Variants in SLIT2 observed in about 807,000 individuals in gnomAD.
The protein encoded by SLIT2 is slit guidance ligand 2.
In SLIT2, 41 loss-of-function variants were observed where a neutral mutation model predicts 185.7. That is an observed-to-expected ratio of 0.22 (90% CI 0.17 to 0.29). SLIT2 has a LOEUF of 0.29. SLIT2 is among the 10% of genes least tolerant of loss of function. SLIT2 has a pLI of 1.00. For missense variants in SLIT2, 1,571 were observed against 1,909.0 expected, an observed-to-expected ratio of 0.82 and a Z score of 3.30; for synonymous variants, 693 against 680.2, an observed-to-expected ratio of 1.02 and a Z score of -0.29.
chr4:20,470,328 A>G (rs1195432559), intron 5 of SLIT2, among the ~76,000 whole-genome samples: 1 of 152,152 alleles, frequency 6.6e-6, no homozygotes, highest in Non-Finnish European at 1.5e-5. Flanking sequence ...AAATGGAAAA[A>G]GAAAATATAA....
At chr4:20,472,309 T>G (rs1206025507) in intron 5 of SLIT2, among the ~76,000 whole-genome samples, 5 of 33,672 alleles carry the variant, frequency 1.5e-4, no homozygotes, top group South Asian at 1.4e-3. Flanking sequence ...TATAGATCTA[T>G]ATATAGATAT....
intron 34 of SLIT2, among the ~76,000 whole-genome samples, chr4:20,613,837 A>G (rs1729434201): frequency 6.6e-6 from 1 of 152,128 alleles, no homozygotes; most frequent in Admixed American, 6.6e-5. Context: ...CCCTTGGGTT[A>G]TCAACTACCC....
chr4:20,286,854 A>T (rs916026063), intron 4 of SLIT2, among the ~76,000 whole-genome samples: 6 of 152,166 alleles, frequency 3.9e-5, no homozygotes, highest in Non-Finnish European at 7.4e-5. Flanking sequence ...ATCATTTTGT[A>T]TACAGGCACA....
In SLIT2 at chr4:20,254,144, G is replaced by A; in HGVS notation, c.179+150G>A. On this transcript the variant is annotated intron_variant, in intron 1 of 36. Coordinates refer to ENST00000504154, the MANE Select transcript of SLIT2 (RefSeq NM_004787.4). This position sits in a 1 kb window ranked among gnomAD's most constrained non-coding sequence, Gnocchi z 5.1. ...CATCCTGGGGTTGAGCTCTCCGGGA[G>A]GGCACTGGCCAGGGAAGGGCCTCTG... 1.2e-6 allele frequency: 1 copy of A among 800,664 alleles called. No individual in the cohort carries two copies. Among genetic ancestry groups the A allele is most frequent in the East Asian group, 2.7e-5 (1 of 37,366 alleles). 49.6% of individuals were successfully genotyped at this position (800,664 alleles called of 1,614,324 possible).
intron 4 of SLIT2, among the ~76,000 whole-genome samples, chr4:20,445,944 T>C (rs1228969022): frequency 6.6e-6 from 1 of 152,220 alleles, no homozygotes; most frequent in Non-Finnish European, 1.5e-5. Context: ...TACATGTTAC[T>C]GAGGCTTCTT....
At chr4:20,302,054 A>T (rs370475885) in intron 4 of SLIT2, among the ~76,000 whole-genome samples, 30 of 152,338 alleles carry the variant, frequency 2.0e-4, no homozygotes, top group African/African-American at 7.2e-4. Context: ...TTACAGAAAG[A>T]GTATGTATCT....
rs543507499 is a variant in SLIT2 at position 20,433,130 on chromosome 4, C to A, written c.396-34622C>A. Among the ~76,000 whole-genome samples, 3 of 152,242 alleles carry A rather than the reference C, an allele frequency of 2.0e-5. No individual in the cohort carries two copies. In the East Asian group the frequency reaches 5.8e-4, roughly 29 times the overall value. On this transcript the variant is annotated intron_variant, in intron 4 of 36. Transcript: ENST00000504154. ...TATACCACATACTTTATTTAGTTAG[C>A]TTCTGAATCTTACAGCAACCACCAG...
intron 10 of SLIT2, 116 bp downstream of exon 10, chr4:20,510,682 A>C: frequency 1.6e-6 from 1 of 628,178 alleles, no homozygotes; most frequent in Non-Finnish European, 2.8e-6. Context: ...ATATTAAGTG[A>C]TGTGACTGTC....
At chr4:20,534,427 A>AT (rs1722087573) in intron 18 of SLIT2, among the ~76,000 whole-genome samples, 1 of 152,196 alleles carries the variant, frequency 6.6e-6, no homozygotes, top group African/African-American at 2.4e-5. Context: ...TGGGGATTAG[A>AT]TTGAGGTATT....
chr4:20,598,241 A>C (rs1160583343), intron 32 of SLIT2, 24 bp from the exon 33 acceptor site: 1 of 1,612,566 alleles, frequency 6.2e-7, no homozygotes, highest in Non-Finnish European at 8.5e-7. Flanking sequence ...ACATCCTAGT[A>C]ATGCCAGGGT....
chr4:20,369,190 G>A (rs557445033), intron 4 of SLIT2, among the ~76,000 whole-genome samples: 1 of 152,206 alleles, frequency 6.6e-6, no homozygotes, highest in Admixed American at 6.5e-5. Flanking sequence ...TGATGAGAGA[G>A]GAAGTTCCTT....
intron 4 of SLIT2, among the ~76,000 whole-genome samples, chr4:20,427,609 A>G (rs189314715): frequency 7.1e-4 from 107 of 151,274 alleles, no homozygotes; most frequent in Admixed American, 1.4e-3. Context: ...TTTTTCCAAC[A>G]TTGCTGGTGT....
intron 4 of SLIT2, among the ~76,000 whole-genome samples, chr4:20,365,507 G>T (rs1448800772): frequency 1.3e-5 from 2 of 152,108 alleles, no homozygotes; most frequent in East Asian, 3.9e-4. Context: ...TGAGTAACGG[G>T]CTGTACCCGA....
At chr4:20,422,012 G>A (rs1728207133) in intron 4 of SLIT2, among the ~76,000 whole-genome samples, 1 of 152,072 alleles carries the variant, frequency 6.6e-6, no homozygotes. Flanking sequence ...GTTGCTGTTG[G>A]CCTGGTGCTC....
intron 4 of SLIT2, among the ~76,000 whole-genome samples, chr4:20,291,466 A>G (rs1489374515): frequency 1.5e-4 from 3 of 20,224 alleles, no homozygotes; most frequent in Non-Finnish European, 2.1e-4. Flanking sequence ...ATATATATAT[A>G]TATATATATA....
chr4:20,432,494 C>T (rs1729068013), intron 4 of SLIT2, among the ~76,000 whole-genome samples: 1 of 149,800 alleles, frequency 6.7e-6, no homozygotes, highest in African/African-American at 2.5e-5. Flanking sequence ...GACTCCTGAG[C>T]CTTCATTCAT....
rs540814034 is a variant in SLIT2, at chr4:20,470,484, C to CTGTGTGTGTGTG, written c.467+2699_467+2710dup. On this transcript the variant is annotated intron_variant, in intron 5 of 36. Coordinates refer to ENST00000504154, the MANE Select transcript of SLIT2 (RefSeq NM_004787.4). The stretch of plus-strand genomic sequence containing the variant: ...GAGTAAAACCATAGTGCAGTGGAGT[C>CTGTGTGTGTGTG]TGTGTGTGTGTGTGTGTGTGTGTGT... 3.1e-3 allele frequency among the ~76,000 whole-genome samples: 404 copies of CTGTGTGTGTGTG among 129,278 alleles called. 3 individuals are homozygous for CTGTGTGTGTGTG. Among genetic ancestry groups the CTGTGTGTGTGTG allele is most frequent in the Middle Eastern group, 0.017 (4 of 240 alleles). The allele number at this position is 129,278 out of a possible 152,430, so 84.8% of individuals were successfully genotyped here.
intron 5 of SLIT2, among the ~76,000 whole-genome samples, chr4:20,474,054 G>C (rs184133871): frequency 1.1e-3 from 160 of 151,888 alleles, no homozygotes; most frequent in African/African-American, 3.5e-3. Flanking sequence ...ATGGTAGGTT[G>C]GTTTCTCATT....
At chr4:20,313,673 A>G (rs945117324) in intron 4 of SLIT2, among the ~76,000 whole-genome samples, 5 of 152,160 alleles carry the variant, frequency 3.3e-5, no homozygotes, top group East Asian at 1.9e-4. Context: ...CAGTTTTTCT[A>G]TGGAATGGGT....
Sources: allele counts gnomAD v4.1 joint callset (sites outside exome capture counted in the v4.1 genomes callset), GRCh38; gene constraint gnomAD v4.1.1; non-coding constraint Gnocchi (gnomAD v3.1); transcripts MANE v1.5; gene names NCBI Gene and HGNC (gene_info 2026-07-23, HGNC 2026-07-21).